MYO9B: variants seen among roughly 807,000 people sequenced by gnomAD.
MYO9B encodes myosin IXB.
Under a neutral mutation model 229.5 loss-of-function variants are expected in MYO9B, and 71 were observed. The observed-to-expected ratio is 0.31, with a 90% CI of 0.26 to 0.38. The LOEUF (loss-of-function observed/expected upper bound fraction) is 0.38, where lower values mean the gene tolerates loss of function less well. Ranked by LOEUF, MYO9B falls within the 10% of genes least tolerant of loss-of-function variation. MYO9B has a pLI of 1.00. For missense variants in MYO9B, 2,255 were observed against 2,920.5 expected, an observed-to-expected ratio of 0.77 and a Z score of 5.25; for synonymous variants, 1,185 against 1,235.8, an observed-to-expected ratio of 0.96 and a Z score of 0.86.
At chr19:17,124,297 AG>A (rs1172954971) in intron 2 of MYO9B, among the ~76,000 whole-genome samples, 4 of 152,186 alleles carry the variant, frequency 2.6e-5, no homozygotes, top group African/African-American at 9.6e-5. Flanking sequence ...GTTCAGGACC[AG>A]CCTGGGCAAC....
chr19:17,174,280 C>T (rs993572491), intron 13 of MYO9B, among the ~76,000 whole-genome samples: 43 of 152,176 alleles, frequency 2.8e-4, no homozygotes, highest in African/African-American at 9.9e-4. Flanking sequence ...ATCCGTCTGG[C>T]TCGGCCTCCC....
At chr19:17,098,737 TG>T (rs1237841388) in intron 1 of MYO9B, among the ~76,000 whole-genome samples, 1 of 152,154 alleles carries the variant, frequency 6.6e-6, no homozygotes, top group Non-Finnish European at 1.5e-5. Flanking sequence ...GACAACAACC[TG>T]GGCAATATAG....
chr19:17,191,339 C>G, intron 20 of MYO9B, 120 bp downstream of exon 20: 1 of 1,282,460 alleles, frequency 7.8e-7, no homozygotes, highest in Non-Finnish European at 1.0e-6. Flanking sequence ...CTAGGAAATG[C>G]ATTTCTCGGG....
At chr19:17,090,118 C>CTTTTTTTTTTTTTTTTTTTTTTTTTT (rs59440394) in intron 1 of MYO9B, among the ~76,000 whole-genome samples, 1 of 49,236 alleles carries the variant, frequency 2.0e-5, no homozygotes, top group Non-Finnish European at 3.7e-5. Flanking sequence ...TGCTTCCTTC[C>CTTTTTTTTTTTTTTTTTTTTTTTTTT]TTTTTTTTTT....
At chr19:17,175,503 C>T (rs1485235567) in intron 13 of MYO9B, among the ~76,000 whole-genome samples, 160 bp from the exon 14 acceptor site, 1 of 151,972 alleles carries the variant, frequency 6.6e-6, no homozygotes, top group African/African-American at 2.4e-5. Context: ...CCCTTGAACT[C>T]AGGAGGCAGA....
At chr19:17,143,399 C>T (rs1336314661) in intron 2 of MYO9B, among the ~76,000 whole-genome samples, 6 of 152,176 alleles carry the variant, frequency 3.9e-5, no homozygotes, top group Non-Finnish European at 7.3e-5. Flanking sequence ...AAGTGAGTGT[C>T]CTCAAAGCCG....
Position 17,183,753 on chromosome 19 carries a change from C to T in MYO9B, c.2334-76C>T, listed in dbSNP as rs1000058170. 19 of 1,282,564 alleles carry T rather than the reference C, an allele frequency of 1.5e-5. No homozygotes were observed. The African/African-American group carries it at 2.4e-4, about 16-fold the overall frequency. 79.4% of individuals were successfully genotyped at this position (1,282,564 alleles called of 1,614,324 possible). A position where few individuals can be genotyped will look rare whatever the true frequency, so the allele number is the denominator to read the frequency against. On this transcript the variant is annotated intron_variant, in intron 15 of 39. Transcript: ENST00000682292. ...GTGTCTCTCAGTCTAACCCGCCAGG[C>T]GTGGCTTGCTGAACTAACCCAAATC...
At chr19:17,161,625 G>T (rs932829977) in intron 8 of MYO9B, among the ~76,000 whole-genome samples, 1 of 152,090 alleles carries the variant, frequency 6.6e-6, no homozygotes, top group Non-Finnish European at 1.5e-5. Flanking sequence ...AGACCAGCCT[G>T]GCCAACATGG....
rs56937714 is a variant in MYO9B at position 17,101,372 on chromosome 19, G to T, written c.-58-288G>T. The stretch of plus-strand genomic sequence containing the variant: ...TGTAGAGACGGGGTCTCGCTATGTT[G>T]CCCAGGCTGGTCTCAAACTCCTGGC... On this transcript the variant is annotated intron_variant, in intron 1 of 39. Transcript: ENST00000682292. The surrounding 1 kb of genome is among the most constrained non-coding windows in gnomAD (Gnocchi z 4.7). Among the ~76,000 whole-genome samples, 56,650 of 151,494 alleles carry T rather than the reference G, an allele frequency of 0.37. 11,440 individuals are homozygous for T. The highest frequency in any genetic ancestry group is 0.51 in the Middle Eastern group (150 of 292).
intron 14 of MYO9B, chr19:17,180,596 C>T (rs1388398308): frequency 4.1e-5 from 7 of 169,806 alleles, no homozygotes; most frequent in Non-Finnish European, 6.3e-5. Context: ...GTGATCCACC[C>T]GCCTCGGCCT....
intron 2 of MYO9B, among the ~76,000 whole-genome samples, chr19:17,109,803 C>T (rs1386604896): frequency 6.6e-6 from 1 of 152,222 alleles, no homozygotes. Context: ...TTGCCTTTCT[C>T]TCATGGGATC....
rs757865354 is a variant in MYO9B at position 17,195,310 on chromosome 19, A to C, written c.3883A>C (p.Thr1295Pro). 2 of 1,612,422 alleles carry C rather than the reference A, an allele frequency of 1.2e-6. No individual in the cohort carries two copies. Among genetic ancestry groups the C allele is most frequent in the Non-Finnish European group, 1.7e-6 (2 of 1,179,740 alleles). Residue 1295 changes from threonine to proline, a missense_variant, in exon 22 of 40, where the codon ACG (threonine) becomes CCG (proline). This residue lies in a region of MYO9B where 679 missense variants were observed against 770.2 expected (regional missense o/e 0.88). Transcript: ENST00000682292. This position sits in a 1 kb window ranked among gnomAD's most constrained non-coding sequence, Gnocchi z 4.5. ...QEKPDSPGGS[T>P]QIQRYLDAER... is the part of the protein sequence containing the mutation. Reference sequence around the variant, plus strand: ...AAAGCCCGACAGCCCCGGAGGCTCCACGCAGATCCAGCGGTACCTGGACGC... The same window carrying C: ...AAAGCCCGACAGCCCCGGAGGCTCCCCGCAGATCCAGCGGTACCTGGACGC...
chr19:17,089,951 G>C (rs2057620710), intron 1 of MYO9B, among the ~76,000 whole-genome samples: 1 of 151,838 alleles, frequency 6.6e-6, no homozygotes, highest in Non-Finnish European at 1.5e-5. Flanking sequence ...CCTAGCTCCT[G>C]ACAACGACTC....
chr19:17,166,633 C>T (rs2072662846), intron 10 of MYO9B, among the ~76,000 whole-genome samples: 1 of 151,894 alleles, frequency 6.6e-6, no homozygotes, highest in African/African-American at 2.4e-5. Flanking sequence ...AGTTATTTTT[C>T]CTGATCCGCT....
chr19:17,141,403 G>A (rs985606025), intron 2 of MYO9B, among the ~76,000 whole-genome samples: 10 of 152,134 alleles, frequency 6.6e-5, no homozygotes, highest in African/African-American at 1.7e-4. Flanking sequence ...ACTGCAGGGC[G>A]TGCCCCCTGC....
chr19:17,197,866 C>A lies in MYO9B; in HGVS notation c.4113+8C>A. 1.9e-6 allele frequency: 3 copies of A among 1,612,684 alleles called. No homozygotes were observed. The highest frequency in any genetic ancestry group is 1.1e-5 in the South Asian group (1 of 91,036). On this transcript the variant is annotated splice_region_variant and intron_variant, in intron 23 of 39. Coordinates refer to ENST00000682292, the MANE Select transcript of MYO9B (RefSeq NM_004145.4). ...TCCCTGGCCAAGGCTCAGGTAACAA[C>A]AACACGGCAAAACCCCGTCTCCACT...
chr19:17,197,922 C>T (rs2073064159), intron 23 of MYO9B, 64 bp downstream of exon 23: 7 of 1,579,216 alleles, frequency 4.4e-6, no homozygotes, highest in African/African-American at 2.7e-5. Flanking sequence ...GGCGTGGTGG[C>T]GCTTGCCTGT....
At chr19:17,135,365 C>G (rs1415445057) in intron 2 of MYO9B, among the ~76,000 whole-genome samples, 2 of 152,094 alleles carry the variant, frequency 1.3e-5, no homozygotes, top group Non-Finnish European at 2.9e-5. Flanking sequence ...TGGCATCCGC[C>G]TTCCCGGTGC....
intron 2 of MYO9B, among the ~76,000 whole-genome samples, chr19:17,128,624 G>A (rs910123616): frequency 2.6e-5 from 4 of 152,196 alleles, no homozygotes; most frequent in South Asian, 2.1e-4. Context: ...CTACCGGCTT[G>A]AGCCACCGGC....
Sources: gnomAD v4.1 joint callset for allele counts (sites outside exome capture counted in the v4.1 genomes callset) on GRCh38, gnomAD v4.1.1 for gene constraint, gnomAD v4.1.1 regional missense constraint, Gnocchi (gnomAD v3.1) non-coding constraint, MANE v1.5 for transcripts, NCBI Gene and HGNC (gene_info 2026-07-23, HGNC 2026-07-21) for gene names.